SORCS3: variants seen among roughly 807,000 people sequenced by gnomAD.
SORCS3 encodes the protein VPS10 domain-containing receptor SorCS3.
In SORCS3, 57 loss-of-function variants were observed where a neutral mutation model predicts 146.3. That is an observed-to-expected ratio of 0.39 (90% CI 0.31 to 0.49). SORCS3 has a LOEUF of 0.49. SORCS3 is among the 20% of genes least tolerant of loss of function. The probability of loss-of-function intolerance (pLI) is 0.92; values close to 1 mark genes in which losing one functional copy is unlikely to be tolerated. For synonymous variants in SORCS3, 653 were observed against 618.5 expected (o/e 1.06, Z -0.83); for missense variants, 1,341 against 1,575.5 (o/e 0.85, Z 2.52).
At chr10:105,014,407 A>G (rs1440148539) in intron 4 of SORCS3, among the ~76,000 whole-genome samples, 4 of 152,084 alleles carry the variant, frequency 2.6e-5, no homozygotes, top group African/African-American at 9.7e-5. Context: ...CCATAAGATG[A>G]ATGTATATAA....
At chr10:104,831,561 G>A (rs1299661263) in intron 1 of SORCS3, among the ~76,000 whole-genome samples, 2 of 152,208 alleles carry the variant, frequency 1.3e-5, no homozygotes, top group Non-Finnish European at 2.9e-5. Flanking sequence ...TAGTGCTGCA[G>A]CAATCCTCAT....
intron 3 of SORCS3, among the ~76,000 whole-genome samples, chr10:104,965,640 C>T (rs570442169): frequency 4.1e-4 from 62 of 152,012 alleles, no homozygotes; most frequent in Non-Finnish European, 8.4e-4. Context: ...GAGGTTGTAT[C>T]TCATTGTGGT....
chr10:105,103,213 GCTC>G (rs2055798325), intron 6 of SORCS3, among the ~76,000 whole-genome samples: 1 of 152,120 alleles, frequency 6.6e-6, no homozygotes, highest in Non-Finnish European at 1.5e-5. Context: ...AGTCTCCGCT[GCTC>G]CTCAGAGATC....
At chr10:104,785,717 C>G (rs1038268417) in intron 1 of SORCS3, among the ~76,000 whole-genome samples, 1 of 152,184 alleles carries the variant, frequency 6.6e-6, no homozygotes, top group African/African-American at 2.4e-5. Context: ...AGAACTCACA[C>G]CTGCAGTCTT....
At chr10:104,972,308 A>C (rs1379127577) in intron 3 of SORCS3, among the ~76,000 whole-genome samples, 4 of 152,186 alleles carry the variant, frequency 2.6e-5, no homozygotes, top group Admixed American at 2.0e-4. Context: ...TTAACAGAGA[A>C]CTGTTGAGAT....
At chr10:104,951,023 A>G (rs1043512908) in intron 3 of SORCS3, among the ~76,000 whole-genome samples, 10 of 152,248 alleles carry the variant, frequency 6.6e-5, no homozygotes, top group East Asian at 3.9e-4. Context: ...AATTATTCCT[A>G]TACAGACCCT....
chr10:104,715,735 G>A (rs993712994), intron 1 of SORCS3, among the ~76,000 whole-genome samples: 2 of 152,084 alleles, frequency 1.3e-5, no homozygotes, highest in Admixed American at 1.3e-4. Flanking sequence ...AAGCAGATAA[G>A]GACTAGTTCT....
At chr10:105,207,322 A>G (rs993645475) in intron 16 of SORCS3, among the ~76,000 whole-genome samples, 2 of 124,754 alleles carry the variant, frequency 1.6e-5, no homozygotes, top group African/African-American at 6.0e-5. Context: ...TGTCCTGGCT[A>G]TCCCTCCTTT....
intron 1 of SORCS3, among the ~76,000 whole-genome samples, chr10:104,803,244 A>G (rs1171882823): frequency 6.6e-6 from 1 of 152,234 alleles, no homozygotes; most frequent in African/African-American, 2.4e-5. Context: ...CTGTAGCTGT[A>G]TGGAGACTGA....
At chr10:104,789,764 G>A (rs2133499152) in intron 1 of SORCS3, among the ~76,000 whole-genome samples, 1 of 152,282 alleles carries the variant, frequency 6.6e-6, no homozygotes, top group African/African-American at 2.4e-5. Flanking sequence ...GCTGTATGTG[G>A]GGATGGGCTC....
intron 16 of SORCS3, among the ~76,000 whole-genome samples, chr10:105,202,453 A>G (rs960522079): frequency 1.3e-5 from 2 of 152,138 alleles, no homozygotes; most frequent in South Asian, 4.1e-4. Flanking sequence ...TGAGTCACTC[A>G]TGTCTCAGCA....
At chr10:104,999,085 C>T (rs545820679) in intron 4 of SORCS3, among the ~76,000 whole-genome samples, 4 of 151,758 alleles carry the variant, frequency 2.6e-5, no homozygotes, top group Non-Finnish European at 4.4e-5. Context: ...CCTCATGCTC[C>T]GTTGTAAAAG....
chr10:104,699,378 A>C (rs1432354632), intron 1 of SORCS3, among the ~76,000 whole-genome samples: 1 of 152,154 alleles, frequency 6.6e-6, no homozygotes, highest in South Asian at 2.1e-4. Context: ...AATATGAATC[A>C]GTATTTTACC....
intron 7 of SORCS3, among the ~76,000 whole-genome samples, chr10:105,127,071 A>G (rs1033280463): frequency 6.6e-6 from 1 of 152,136 alleles, no homozygotes; most frequent in Non-Finnish European, 1.5e-5. Flanking sequence ...ACATAGTGGA[A>G]TGGTGGCCGG....
In SORCS3 at chr10:104,908,263, T is replaced by C. The variant is rs144344477; in HGVS notation, c.696-7570T>C. On this transcript the variant is annotated intron_variant, in intron 2 of 26. Coordinates refer to ENST00000369701, the MANE Select transcript of SORCS3 (RefSeq NM_014978.3). ...GCAACTGGGTCTTATCATACACTTA[T>C]GGTGACAATTGGAAACAGTGTCCAC... 3.9e-5 allele frequency among the ~76,000 whole-genome samples: 6 copies of C among 152,332 alleles called. No individual in the cohort carries two copies. The East Asian group carries it at 7.7e-4, about 20-fold the overall frequency.
chr10:104,751,421 C>G (rs375336276), intron 1 of SORCS3, among the ~76,000 whole-genome samples: 13 of 152,282 alleles, frequency 8.5e-5, no homozygotes, highest in African/African-American at 3.1e-4. Flanking sequence ...TCTGACCATC[C>G]TGCAAGAGAT....
chr10:104,835,981 G>T (rs2018061471), intron 1 of SORCS3, among the ~76,000 whole-genome samples: 1 of 152,178 alleles, frequency 6.6e-6, no homozygotes, highest in Non-Finnish European at 1.5e-5. Context: ...TACCTGAGTT[G>T]TTCGGGCACA....
chr10:105,122,158 G>T (rs2055938182), intron 7 of SORCS3, among the ~76,000 whole-genome samples: 1 of 152,200 alleles, frequency 6.6e-6, no homozygotes, highest in African/African-American at 2.4e-5. Context: ...AAGTTGGGCT[G>T]TTGACTGAAA....
At chr10:105,189,371 G>A (rs1239930222) in intron 14 of SORCS3, among the ~76,000 whole-genome samples, 1 of 152,208 alleles carries the variant, frequency 6.6e-6, no homozygotes, top group Non-Finnish European at 1.5e-5. Context: ...AGGCTGTGCA[G>A]GGGAATGCCA....
Sources: gnomAD v4.1 joint callset for allele counts (sites outside exome capture counted in the v4.1 genomes callset) on GRCh38, gnomAD v4.1.1 for gene constraint, MANE v1.5 for transcripts, NCBI Gene and HGNC (gene_info 2026-07-23, HGNC 2026-07-21) for gene names.